Variants in SPAG16 observed in about 807,000 individuals in gnomAD.
The protein encoded by SPAG16 is sperm-associated antigen 16 protein.
A neutral mutation model predicts 80.4 loss-of-function variants in SPAG16; 86 were observed. The ratio of observed to expected loss-of-function variants is 1.07; its 90% CI spans 0.90 to 1.28. The LOEUF is 1.28. Ranked by LOEUF, SPAG16 falls within the 50% of genes most tolerant of loss-of-function variation. The probability of loss-of-function intolerance (pLI) is 0.00; values close to 1 mark genes in which losing one functional copy is unlikely to be tolerated. For missense variants in SPAG16, 870 were observed against 765.3 expected (o/e 1.14, Z -1.61); for synonymous variants, 294 against 265.9 (o/e 1.11, Z -1.03).
intron 9 of SPAG16, among the ~76,000 whole-genome samples, chr2:213,452,291 T>G (rs758748532): frequency 4.6e-5 from 7 of 152,216 alleles, no homozygotes; most frequent in Non-Finnish European, 8.8e-5. Context: ...AATGATTTCT[T>G]TCTATCTCCT....
chr2:213,290,980 T>C (rs1166485828), intron 1 of SPAG16, among the ~76,000 whole-genome samples: 6 of 152,186 alleles, frequency 3.9e-5, no homozygotes, highest in Non-Finnish European at 8.8e-5. Flanking sequence ...AAGAATGTCA[T>C]TTCTCTCAGG....
intron 15 of SPAG16, among the ~76,000 whole-genome samples, chr2:214,281,961 T>C (rs1692972649): frequency 6.6e-6 from 1 of 152,154 alleles, no homozygotes; most frequent in Non-Finnish European, 1.5e-5. Context: ...TGCAAAGTGA[T>C]CTGTATAACT....
intron 10 of SPAG16, among the ~76,000 whole-genome samples, chr2:213,817,273 A>C (rs1393153628): frequency 1.4e-5 from 2 of 147,664 alleles, no homozygotes; most frequent in African/African-American, 4.9e-5. Context: ...ATATATATAT[A>C]TCACAGTCAG....
chr2:213,996,981 C>T (rs1019358645), intron 12 of SPAG16, among the ~76,000 whole-genome samples: 3 of 152,086 alleles, frequency 2.0e-5, no homozygotes, highest in African/African-American at 7.2e-5. Context: ...CTAGAATGCT[C>T]TAGGGTCTGG....
At chr2:213,916,670 C>T (rs1240850765) in intron 11 of SPAG16, among the ~76,000 whole-genome samples, 1 of 152,150 alleles carries the variant, frequency 6.6e-6, no homozygotes, top group Non-Finnish European at 1.5e-5. Context: ...CTGCTCCCCC[C>T]ATGACACATG....
intron 10 of SPAG16, among the ~76,000 whole-genome samples, chr2:213,741,013 A>G (rs2067526033): frequency 6.6e-6 from 1 of 152,236 alleles, no homozygotes; most frequent in African/African-American, 2.4e-5. Context: ...TTTTAGGGCT[A>G]AAACAGCAGG....
At chr2:213,622,676 C>T (rs2061829313) in intron 10 of SPAG16, among the ~76,000 whole-genome samples, 1 of 152,134 alleles carries the variant, frequency 6.6e-6, no homozygotes, top group Non-Finnish European at 1.5e-5. Context: ...CATTGGTCAC[C>T]TTTATTAGAC....
chr2:214,080,638 AAG>A (rs1179925296), intron 13 of SPAG16, among the ~76,000 whole-genome samples: 4 of 151,542 alleles, frequency 2.6e-5, no homozygotes, highest in African/African-American at 9.7e-5. Flanking sequence ...ATAAAATAAA[AAG>A]AAAAAAGAAA....
At chr2:213,821,799 T>C (rs1443179323) in intron 10 of SPAG16, among the ~76,000 whole-genome samples, 1 of 152,200 alleles carries the variant, frequency 6.6e-6, no homozygotes, top group Non-Finnish European at 1.5e-5. Flanking sequence ...TAAGTGAGAA[T>C]GTAAGAAGTT....
At chr2:214,288,070 C>T (rs1559184075) in intron 15 of SPAG16, among the ~76,000 whole-genome samples, 1 of 151,310 alleles carries the variant, frequency 6.6e-6, no homozygotes, top group Non-Finnish European at 1.5e-5. Flanking sequence ...GGTTTACCGC[C>T]CCCCCCAATC....
chr2:213,593,189 G>C (rs2060767298), intron 10 of SPAG16, among the ~76,000 whole-genome samples: 1 of 152,104 alleles, frequency 6.6e-6, no homozygotes, highest in Non-Finnish European at 1.5e-5. Flanking sequence ...TGATACATTG[G>C]AGTTCTATTT....
chr2:213,997,467 C>T (rs2046578038), intron 12 of SPAG16, among the ~76,000 whole-genome samples: 2 of 152,158 alleles, frequency 1.3e-5, no homozygotes, highest in Non-Finnish European at 1.5e-5. Flanking sequence ...TCATTTCTGA[C>T]ATATCATGGC....
At chr2:213,778,113 T>G (rs925500269) in intron 10 of SPAG16, among the ~76,000 whole-genome samples, 21 of 152,096 alleles carry the variant, frequency 1.4e-4, no homozygotes, top group Admixed American at 2.0e-4. Flanking sequence ...TTATACTGTT[T>G]AATATTAAAG....
intron 15 of SPAG16, among the ~76,000 whole-genome samples, chr2:214,248,674 T>C (rs985492560): frequency 6.6e-6 from 1 of 152,006 alleles, no homozygotes; most frequent in African/African-American, 2.4e-5. Flanking sequence ...CAAAAAGTCC[T>C]CCTGAGATTT....
At chr2:213,786,242 C>G (rs2070335802) in intron 10 of SPAG16, among the ~76,000 whole-genome samples, 1 of 152,052 alleles carries the variant, frequency 6.6e-6, no homozygotes, top group African/African-American at 2.4e-5. Flanking sequence ...GCGCTTCTGT[C>G]GTAAAAGAAT....
rs760366712 is a variant in SPAG16, at chr2:214,108,224, A to G, written c.1556A>G (p.His519Arg). 6.2e-7 allele frequency: 1 copy of G among 1,602,256 alleles called. No homozygotes were observed. The highest frequency in any genetic ancestry group is 1.1e-5 in the South Asian group (1 of 90,036). The stretch of plus-strand genomic sequence containing the variant: ...ATATGTGAGCAGTCACTTTATGGTC[A>G]CATGCATTCTATCAATGATGCCATT... Reference protein sequence around the residue: ...TGICEQSLYGHMHSINDAIFD... With the variant: ...TGICEQSLYGRMHSINDAIFD... Residue 519 changes from histidine (H) to arginine (R), a missense_variant, in exon 14 of 16, where the codon CAC (histidine) becomes CGC (arginine). Physicochemically the swap from His to Arg is conservative, Grantham distance 29. Coordinates refer to ENST00000331683, the MANE Select transcript of SPAG16 (RefSeq NM_024532.5).
At chr2:213,576,874 A>G (rs1393300578) in intron 10 of SPAG16, among the ~76,000 whole-genome samples, 1 of 152,140 alleles carries the variant, frequency 6.6e-6, no homozygotes, top group African/African-American at 2.4e-5. Flanking sequence ...GAGGATCAGG[A>G]GAAATAACAA....
chr2:213,438,603 C>T (rs2070767826), intron 9 of SPAG16, among the ~76,000 whole-genome samples: 1 of 152,172 alleles, frequency 6.6e-6, no homozygotes, highest in South Asian at 2.1e-4. Context: ...AGGTAGAGTT[C>T]AAAGATGATC....
rs2065476762 is a variant in SPAG16 at position 213,702,318 on chromosome 2, T to G, written c.1071-160167T>G. ...GCCCGAGCCAGCTGCGGCAACCCGC[T>G]TGGGTCTCTTTTCATGCTGTGGAAG... On this transcript the variant is annotated intron_variant, in intron 10 of 15. Coordinates refer to ENST00000331683, the MANE Select transcript of SPAG16 (RefSeq NM_024532.5). Among the ~76,000 whole-genome samples the G allele has an allele frequency of 2.6e-5, 4 of 152,344 alleles. No individual in the cohort carries two copies. In the South Asian group the frequency reaches 8.3e-4, roughly 32 times the overall value.
Sources: gnomAD v4.1 joint callset for allele counts (sites outside exome capture counted in the v4.1 genomes callset) on GRCh38, gnomAD v4.1.1 for gene constraint, MANE v1.5 for transcripts, NCBI Gene and HGNC (gene_info 2026-07-23, HGNC 2026-07-21) for gene names.